The following GATC variants were observed in gnomAD, a reference collection of about 807,000 sequenced individuals.
GATC encodes glutamyl-tRNA amidotransferase subunit C.
GATC carries 11 observed loss-of-function variants against 14.4 expected under a neutral mutation model. The ratio of observed to expected loss-of-function variants is 0.77; its 90% confidence interval spans 0.48 to 1.27. GATC has a LOEUF of 1.27. Ranked by LOEUF, GATC falls within the 50% of genes most tolerant of loss-of-function variation. GATC has a pLI of 0.00. For missense variants in GATC, 204 were observed against 183.0 expected, an observed-to-expected ratio of 1.11 and a Z score of -0.66; for synonymous variants, 76 against 79.3, an observed-to-expected ratio of 0.96 and a Z score of 0.22.
At position 120,446,809 on chromosome 12, in the gene GATC, G is replaced by A; in HGVS notation, c.234G>A (p.Met78Ile). The A allele has an allele frequency of 6.2e-7, 1 of 1,612,870 alleles. No individual in the cohort carries two copies. Among genetic ancestry groups the A allele is most frequent in the Non-Finnish European group, 8.5e-7 (1 of 1,179,430 alleles). The change falls in exon 2 of 4, where the codon ATG becomes ATA. Residue 78 changes from methionine to isoleucine, a missense_variant. Transcript: ENST00000551765. Reference sequence around the variant, plus strand: ...TGGACACAGACGGGGTGGAGCCCATGGAATCGGTCCTGGAGGACAGGTAAA... The same window carrying A: ...TGGACACAGACGGGGTGGAGCCCATAGAATCGGTCCTGGAGGACAGGTAAA... ...RAVDTDGVEP[M>I]ESVLEDRCLY...
intron 2 of GATC, among the ~76,000 whole-genome samples, chr12:120,449,024 G>A (rs1290857267): frequency 1.3e-5 from 2 of 150,216 alleles, no homozygotes; most frequent in Admixed American, 1.3e-4. Flanking sequence ...GTGCAGTGGC[G>A]TGATCTTGGC....
In GATC at chr12:120,446,805, C is replaced by T. The variant is rs1165691392; in HGVS notation, c.230C>T (p.Pro77Leu). The T allele has an allele frequency of 6.2e-7, 1 of 1,613,046 alleles. No individual in the cohort carries two copies. ...GCCGTGGACACAGACGGGGTGGAGC[C>T]CATGGAATCGGTCCTGGAGGACAGG... is the stretch of plus-strand genomic sequence containing the variant. ...LRAVDTDGVE[P>L]MESVLEDRCL... The change falls in exon 2 of 4, where the codon CCC (proline) becomes CTC (leucine). Residue 77 changes from proline (P) to leucine (L), a missense_variant. By Grantham distance (98) the Pro-to-Leu change is moderately conservative. Coordinates refer to ENST00000551765, the MANE Select transcript of GATC (RefSeq NM_176818.3).
In GATC at chr12:120,460,179, A is replaced by C; in HGVS notation, c.*220A>C. ...TGCTAACTGAGGTGAAAGAAAAGCA[A>C]AAGTCAGCTTCCAAGGAATTCACTT... On this transcript the variant is annotated 3_prime_UTR_variant, in exon 4 of 4. Coordinates refer to ENST00000551765, the MANE Select transcript of GATC (RefSeq NM_176818.3). 2 of 480,122 alleles carry C rather than the reference A, an allele frequency of 4.2e-6. No individual in the cohort carries two copies. The highest frequency in any genetic ancestry group is 7.7e-6 in the Non-Finnish European group (2 of 258,218). 29.7% of individuals were successfully genotyped at this position (480,122 alleles called of 1,614,324 possible). A position where few individuals can be genotyped will look rare whatever the true frequency, so the allele number is the denominator to read the frequency against.
chr12:120,451,872 A>AT (rs1555219520), intron 2 of GATC, among the ~76,000 whole-genome samples: 1 of 88,086 alleles, frequency 1.1e-5, no homozygotes, highest in Non-Finnish European at 2.3e-5. Flanking sequence ...AATTATATAA[A>AT]TTCTTTTTTT....
At chr12:120,453,513 T>G (rs1794735) in intron 2 of GATC, among the ~76,000 whole-genome samples, 1 of 152,108 alleles carries the variant, frequency 6.6e-6, no homozygotes, top group Admixed American at 6.6e-5. Flanking sequence ...AGAACCCTGA[T>G]TGGGAAAGAC....
intron 2 of GATC, among the ~76,000 whole-genome samples, chr12:120,448,760 C>T (rs1294652799): frequency 6.7e-6 from 1 of 148,992 alleles, no homozygotes; most frequent in African/African-American, 2.5e-5. Flanking sequence ...ATTCTCTTGC[C>T]TCAGCCTCCC....
intron 2 of GATC, among the ~76,000 whole-genome samples, chr12:120,455,694 CTTTTT>C (rs977712544): frequency 4.6e-4 from 69 of 151,020 alleles, no homozygotes; most frequent in African/African-American, 1.6e-3. Flanking sequence ...ACTTAGTTCT[CTTTTT>C]TTTTGAGGCA....
At chr12:120,459,500 C>T (rs1878269161) in intron 3 of GATC, among the ~76,000 whole-genome samples, 1 of 152,198 alleles carries the variant, frequency 6.6e-6, no homozygotes, top group South Asian at 2.1e-4. Context: ...TCCATATTTT[C>T]CATGAGAAAG....
At chr12:120,457,232 T>C in intron 3 of GATC, 53 bp downstream of exon 3, 1 of 1,323,356 alleles carries the variant, frequency 7.6e-7, no homozygotes. Flanking sequence ...ACCTTAGGAA[T>C]GAAGCAGGAA....
At position 120,446,511 on chromosome 12, in the gene GATC, C is replaced by T; in HGVS notation, c.31C>T (p.Arg11Trp). ...GTCGCGGTTGGTGTGGCTGGGCCTT[C>T]GGGCCCCTCTGGGCGGGCGCCAGGG... MWSRLVWLGLRAPLGGRQGFT... is the reference protein window; with the variant it reads MWSRLVWLGLWAPLGGRQGFT... Residue 11 changes from arginine (R) to tryptophan (W), a missense_variant, in exon 1 of 4, where the codon CGG becomes TGG. By Grantham distance (101) the Arg-to-Trp change is moderately radical (BLOSUM62 -3). Coordinates refer to ENST00000551765, the MANE Select transcript of GATC (RefSeq NM_176818.3). 6.2e-7 allele frequency: 1 copy of T among 1,606,084 alleles called. No individual in the cohort carries two copies. The highest frequency in any genetic ancestry group is 1.1e-5 in the South Asian group (1 of 90,684).
At chr12:120,450,934 G>A (rs1182902662) in intron 2 of GATC, 2 of 152,098 alleles carry the variant, frequency 1.3e-5, no homozygotes, top group African/African-American at 2.4e-5. Context: ...TTTAGGTCAG[G>A]AGTTCGAGAC....
intron 2 of GATC, among the ~76,000 whole-genome samples, chr12:120,448,865 C>T (rs971957896): frequency 9.9e-5 from 15 of 151,122 alleles, no homozygotes; most frequent in Non-Finnish European, 1.6e-4. Context: ...AGGCTGGTCT[C>T]GAACTCATGA....
intron 3 of GATC, among the ~76,000 whole-genome samples, chr12:120,458,663 G>A (rs1173379070): frequency 6.6e-6 from 1 of 152,110 alleles, no homozygotes; most frequent in African/African-American, 2.4e-5. Flanking sequence ...CTACCCCTCT[G>A]GGCATCTGGG....
Position 120,462,083 on chromosome 12 carries a change from C to T in GATC, c.*2124C>T. 6.2e-7 allele frequency: 1 copy of T among 1,612,202 alleles called. No homozygotes were observed. The highest frequency in any genetic ancestry group is 1.1e-5 in the South Asian group (1 of 90,996). ...CCTGCTTTGGTATGGAGAGTCACGG[C>T]CCCTTGACCCAGACCGAGACCGTGA... On this transcript the variant is annotated 3_prime_UTR_variant, in exon 4 of 4. Coordinates refer to ENST00000551765, the MANE Select transcript of GATC (RefSeq NM_176818.3).
At position 120,461,913 on chromosome 12, in the gene GATC, T is replaced by TA; in HGVS notation, c.*1961dup. The TA allele has an allele frequency of 8.3e-7, 1 of 1,209,314 alleles. No homozygotes were observed. The highest frequency in any genetic ancestry group is 1.1e-6 in the Non-Finnish European group (1 of 927,978). 74.9% of individuals were successfully genotyped at this position (1,209,314 alleles called of 1,614,324 possible). ...TTTTTCTTCTTTAAAAAAAAAAAATTAAAAAAATTTCCTAAGACACTAAAT... is the reference window on the plus strand; with the variant it reads ...TTTTTCTTCTTTAAAAAAAAAAAATTAAAAAAAATTTCCTAAGACACTAAAT... On this transcript the variant is annotated 3_prime_UTR_variant, in exon 4 of 4. Coordinates refer to ENST00000551765, the MANE Select transcript of GATC (RefSeq NM_176818.3).
At position 120,446,778 on chromosome 12, in the gene GATC, G is replaced by C. The variant is rs1469271600; in HGVS notation, c.203G>C (p.Arg68Pro). ...EKAIAFADRL[R>P]AVDTDGVEPM... Reference sequence around the variant, plus strand: ...GCTATCGCCTTCGCCGACCGGCTACGCGCCGTGGACACAGACGGGGTGGAG... The same window carrying C: ...GCTATCGCCTTCGCCGACCGGCTACCCGCCGTGGACACAGACGGGGTGGAG... The change falls in exon 2 of 4, where the codon CGC becomes CCC. Residue 68 changes from arginine (R) to proline (P), a missense_variant. Transcript: ENST00000551765. 6.2e-7 allele frequency: 1 copy of C among 1,613,814 alleles called. No individual in the cohort carries two copies. The highest frequency in any genetic ancestry group is 8.5e-7 in the Non-Finnish European group (1 of 1,180,042).
At chr12:120,459,250 T>C (rs919877275) in intron 3 of GATC, among the ~76,000 whole-genome samples, 1 of 152,214 alleles carries the variant, frequency 6.6e-6, no homozygotes, top group Non-Finnish European at 1.5e-5. Flanking sequence ...GCCTGATAGT[T>C]GTGGCTCCAG....
At chr12:120,446,595 G>T (rs1565911798) in intron 1 of GATC, 34 bp downstream of exon 1, 1 of 1,590,290 alleles carries the variant, frequency 6.3e-7, no homozygotes, top group Non-Finnish European at 8.6e-7. Context: ...GGGTGGCGGA[G>T]CAAGCCGGGA....
chr12:120,457,928 C>T (rs1227611405), intron 3 of GATC, among the ~76,000 whole-genome samples: 1 of 67,612 alleles, frequency 1.5e-5, no homozygotes, highest in African/African-American at 1.5e-4. Context: ...ATGTTTCTGT[C>T]ACATCTTTGC....
Sources: gnomAD v4.1 joint callset for allele counts (sites outside exome capture counted in the v4.1 genomes callset) on GRCh38, gnomAD v4.1.1 for gene constraint, MANE v1.5 for transcripts, NCBI Gene and HGNC (gene_info 2026-07-23, HGNC 2026-07-21) for gene names.